Variants in PIK3R3 observed in about 807,000 individuals in gnomAD.
The protein encoded by PIK3R3 is phosphoinositide-3-kinase regulatory subunit 3.
A neutral mutation model predicts 62.9 loss-of-function variants in PIK3R3; 64 were observed. The observed-to-expected ratio is 1.02, with a 90% CI of 0.83 to 1.25. The LOEUF is 1.25. Among genes scored for constraint, PIK3R3 ranks in the 50% most tolerant of loss-of-function variants. The pLI is 0.00. For synonymous variants in PIK3R3, 165 were observed against 189.0 expected (o/e 0.87, Z 1.04); for missense variants, 614 against 561.6 (o/e 1.09, Z -0.94).
the PIK3R3 span, among the ~76,000 whole-genome samples, chr1:46,139,874 A>G: frequency 2.0e-5 from 3 of 152,230 alleles, no homozygotes; most frequent in South Asian, 4.1e-4. Flanking sequence ...AATCTAGCTC[A>G]GTATCCTACC....
At chr1:46,132,635 C>T, upstream of PIK3R3, 3 of 1,289,630 alleles carry the variant, frequency 2.3e-6, no homozygotes, top group East Asian at 5.6e-5. Context: ...TGCCCGGACT[C>T]CAGCCACTAG....
intron 3 of PIK3R3, among the ~76,000 whole-genome samples, chr1:46,077,310 AT>A (rs907088923): frequency 2.6e-5 from 4 of 152,052 alleles, no homozygotes; most frequent in Non-Finnish European, 5.9e-5. Flanking sequence ...TTCTTTCTAC[AT>A]TTTTTTAAGT....
intron 7 of PIK3R3, among the ~76,000 whole-genome samples, chr1:46,052,094 C>T (rs931309640): frequency 3.3e-5 from 5 of 151,656 alleles, no homozygotes; most frequent in African/African-American, 4.8e-5. Context: ...GCTGAGATCG[C>T]GCCACTGCAC....
the PIK3R3 span, among the ~76,000 whole-genome samples, chr1:46,162,255 G>T: frequency 8.5e-5 from 13 of 152,086 alleles, no homozygotes; most frequent in African/African-American, 3.1e-4. Context: ...AGGCCCAGGT[G>T]GGGGACCACT....
intron 6 of PIK3R3, among the ~76,000 whole-genome samples, chr1:46,059,593 T>C (rs907368845): frequency 5.3e-5 from 8 of 152,002 alleles, no homozygotes; most frequent in Non-Finnish European, 8.8e-5. Context: ...GCGGGGAGGA[T>C]TGCTTGAGTC....
the PIK3R3 span, among the ~76,000 whole-genome samples, chr1:46,168,120 C>T: frequency 6.6e-6 from 1 of 152,024 alleles, no homozygotes; most frequent in South Asian, 2.1e-4. Context: ...CACTGCACTC[C>T]AACCAGGGCG....
intron 1 of PIK3R3, among the ~76,000 whole-genome samples, chr1:46,090,232 T>C (rs1173441025): frequency 6.6e-6 from 1 of 152,216 alleles, no homozygotes; most frequent in Non-Finnish European, 1.5e-5. Flanking sequence ...CATGCTATGT[T>C]GAATTCAACT....
At chr1:46,050,444 AATCCC>A (rs1477844333) in intron 7 of PIK3R3, among the ~76,000 whole-genome samples, 1 of 151,952 alleles carries the variant, frequency 6.6e-6, no homozygotes, top group Non-Finnish European at 1.5e-5. Flanking sequence ...ATGCGCCTAT[AATCCC>A]AGCTACTCAG....
chr1:46,150,514 G>T, the PIK3R3 span, among the ~76,000 whole-genome samples: 1 of 152,188 alleles, frequency 6.6e-6, no homozygotes, highest in African/African-American at 2.4e-5. Context: ...AAGAGTCTGG[G>T]TTTCCCGTAC....
upstream of PIK3R3, chr1:46,132,927 G>C (rs537084625): frequency 8.6e-7 from 1 of 1,165,776 alleles, no homozygotes; most frequent in Non-Finnish European, 1.1e-6. Flanking sequence ...GGTACGATCC[G>C]GGCGCTGGCC....
At chr1:46,163,048 T>C in the PIK3R3 span, among the ~76,000 whole-genome samples, 1 of 152,238 alleles carries the variant, frequency 6.6e-6, no homozygotes, top group African/African-American at 2.4e-5. Context: ...TTCTTACCTA[T>C]GAAGAATATG....
upstream of PIK3R3, among the ~76,000 whole-genome samples, chr1:46,133,883 C>T (rs918878074): frequency 2.0e-5 from 3 of 152,122 alleles, no homozygotes; most frequent in Admixed American, 1.3e-4. Flanking sequence ...TGGAATCTCT[C>T]ACCAAAAGGG....
chr1:46,168,270 G>A, the PIK3R3 span, among the ~76,000 whole-genome samples: 3 of 152,256 alleles, frequency 2.0e-5, no homozygotes, highest in South Asian at 6.2e-4. Flanking sequence ...CTAAGTCCAA[G>A]CCTCTCTTTT....
chr1:46,046,066 C>A lies in PIK3R3; in HGVS notation c.1039G>T (p.Asp347Tyr), dbSNP rs973735275. The A allele has an allele frequency of 6.2e-7, 1 of 1,601,686 alleles. No individual in the cohort carries two copies. The highest frequency in any genetic ancestry group is 8.5e-7 in the Non-Finnish European group (1 of 1,170,388). ...TCATCATAATGGGGCAGGTTTTCATCTTCCTCATTGATAAAATAGTTCCTA... is the reference window on the plus strand; with the variant it reads ...TCATCATAATGGGGCAGGTTTTCATATTCCTCATTGATAAAATAGTTCCTA... ...ADENYFINEE[D>Y]ENLPHYDEKT... Residue 347 changes from aspartate (D) to tyrosine (Y), a missense_variant, in exon 9 of 10, where the codon GAT becomes TAT. Transcript: ENST00000262741.
At chr1:46,149,776 C>G in the PIK3R3 span, among the ~76,000 whole-genome samples, 1 of 152,172 alleles carries the variant, frequency 6.6e-6, no homozygotes, top group Non-Finnish European at 1.5e-5. Flanking sequence ...AGGGATCCAC[C>G]TGCCTCAGCC....
the PIK3R3 span, among the ~76,000 whole-genome samples, chr1:46,142,038 A>T: frequency 6.6e-6 from 1 of 152,206 alleles, no homozygotes; most frequent in Non-Finnish European, 1.5e-5. Flanking sequence ...CTCTCCTTTT[A>T]CTTGACAGAA....
rs1649054402 is a variant in PIK3R3 at position 46,066,985 on chromosome 1, G to GA, written c.420dup (p.His141SerfsTer3). 1 of 1,611,070 alleles carries GA rather than the reference G, an allele frequency of 6.2e-7. No homozygotes were observed. ...TTGTACTGAGCAAGAGATTCATGGT[G>GA]ATAGTGGTTAATGAGCTCCACCACG... On this transcript the variant is annotated frameshift_variant, in exon 4 of 10. Transcript: ENST00000262741. LOFTEE classifies it high-confidence loss of function.
At chr1:46,147,572 C>G in the PIK3R3 span, among the ~76,000 whole-genome samples, 4 of 152,326 alleles carry the variant, frequency 2.6e-5, no homozygotes, top group East Asian at 5.8e-4. Context: ...CGCCCACCAC[C>G]ACGCCTGGCT....
intron 7 of PIK3R3, among the ~76,000 whole-genome samples, chr1:46,053,952 C>A (rs971549268): frequency 6.6e-6 from 1 of 152,126 alleles, no homozygotes; most frequent in Non-Finnish European, 1.5e-5. Flanking sequence ...GATAAGAGCA[C>A]CCTCCTTGCC....
Sources: allele counts gnomAD v4.1 joint callset (sites outside exome capture counted in the v4.1 genomes callset), GRCh38; gene constraint gnomAD v4.1.1; transcripts MANE v1.5; gene names NCBI Gene and HGNC (gene_info 2026-07-23, HGNC 2026-07-21).